MACROD2: variants seen among roughly 807,000 people sequenced by gnomAD.
MACROD2 encodes mono-ADP ribosylhydrolase 2.
Under a neutral mutation model 70.4 loss-of-function variants are expected in MACROD2, and 36 were observed. That is an observed-to-expected ratio of 0.51 (90% CI 0.39 to 0.68). MACROD2 has a LOEUF of 0.68. Ranked by LOEUF, MACROD2 falls within the 30% of genes least tolerant of loss-of-function variation. The pLI is 0.00. For synonymous variants in MACROD2, 172 were observed against 178.8 expected (o/e 0.96, Z 0.30); for missense variants, 496 against 538.4 (o/e 0.92, Z 0.78).
Position 15,461,006 on chromosome 20 carries a change from A to ATTTT in MACROD2, c.571+29577_571+29580dup, listed in dbSNP as rs951397131. 4.1e-3 allele frequency among the ~76,000 whole-genome samples: 273 copies of ATTTT among 66,634 alleles called. 6 individuals carry two copies. The highest frequency in any genetic ancestry group is 0.026 in the Middle Eastern group (3 of 114). The allele number at this position is 66,634 out of a possible 152,430, so 43.7% of individuals were successfully genotyped here. A position where few individuals can be genotyped will look rare whatever the true frequency, so the allele number is the denominator to read the frequency against. ...TATATATATATATATATATATATAT[A>ATTTT]TTTTTTTTTAATAGATGGGGTCTTG... On this transcript the variant is annotated intron_variant, in intron 7 of 17. Transcript: ENST00000684519.
rs1197669182 is a variant in MACROD2 at position 16,051,207 on chromosome 20, A to G, written c.*1331A>G. ...GTTTGTTGCATATCTTCTTAAATCC[A>G]TCTTCCTTGTAAGGGCTTTAGAACT... On this transcript the variant is annotated 3_prime_UTR_variant, in exon 18 of 18. Transcript: ENST00000684519. 3 of 152,152 alleles carry G rather than the reference A, an allele frequency of 2.0e-5. No homozygotes were observed. The allele number at this position is 152,152 out of a possible 1,614,324, so 9.4% of individuals were successfully genotyped here.
At chr20:14,444,298 A>G (rs567870637) in intron 3 of MACROD2, among the ~76,000 whole-genome samples, 5 of 152,228 alleles carry the variant, frequency 3.3e-5, no homozygotes, top group Non-Finnish European at 5.9e-5. Flanking sequence ...AAATTGCTCA[A>G]TTGAGTGGTT....
chr20:14,502,124 G>A (rs73612363), intron 4 of MACROD2, among the ~76,000 whole-genome samples: 23,588 of 152,172 alleles, frequency 0.16, 2,044 homozygotes, highest in East Asian at 0.38. Context: ...GCAAAATACT[G>A]CAGGTCAAGC....
intron 3 of MACROD2, among the ~76,000 whole-genome samples, chr20:14,426,301 A>G (rs1301537110): frequency 6.6e-6 from 1 of 151,506 alleles, no homozygotes; most frequent in African/African-American, 2.4e-5. Flanking sequence ...TTTGTTTCCA[A>G]GACTTATTTT....
intron 8 of MACROD2, among the ~76,000 whole-genome samples, chr20:15,608,458 A>G (rs1252136377): frequency 1.3e-5 from 2 of 152,188 alleles, no homozygotes; most frequent in Non-Finnish European, 2.9e-5. Flanking sequence ...TAGGAGGAGC[A>G]CACGTGCAAA....
intron 2 of MACROD2, among the ~76,000 whole-genome samples, chr20:14,007,639 A>G (rs2052841678): frequency 6.6e-6 from 1 of 152,202 alleles, no homozygotes; most frequent in Admixed American, 6.5e-5. Context: ...TTGTTGAGAC[A>G]AGAGTTCTAG....
intron 4 of MACROD2, among the ~76,000 whole-genome samples, chr20:14,643,086 C>A (rs2123495022): frequency 1.3e-5 from 2 of 152,108 alleles, no homozygotes; most frequent in South Asian, 2.1e-4. Context: ...TGTTGCATAA[C>A]AAAATATCCA....
At chr20:14,466,349 G>T (rs1056086474) in intron 3 of MACROD2, among the ~76,000 whole-genome samples, 4 of 151,880 alleles carry the variant, frequency 2.6e-5, no homozygotes, top group Non-Finnish European at 5.9e-5. Flanking sequence ...TTGTGCTTTT[G>T]TCACGTAGTT....
chr20:15,206,837 C>T (rs1286213533), intron 5 of MACROD2, among the ~76,000 whole-genome samples: 111 of 149,216 alleles, frequency 7.4e-4, no homozygotes, highest in Non-Finnish European at 1.2e-3. Context: ...CCCGGGTTCA[C>T]GCCATTCTCC....
rs575607889 is a variant in MACROD2 at position 14,828,468 on chromosome 20, T to G, written c.418+143509T>G. ...GGACATTCTTTTCTTAATTCAGTCA[T>G]TCAAAGCCATTTGAGTGCTTACTAT... is the stretch of plus-strand genomic sequence containing the variant. On this transcript the variant is annotated intron_variant, in intron 5 of 17. Coordinates refer to ENST00000684519, the MANE Select transcript of MACROD2 (RefSeq NM_001351661.2). Among the ~76,000 whole-genome samples the G allele has an allele frequency of 9.9e-5, 15 of 152,264 alleles. 1 individual carries two copies. Among genetic ancestry groups the G allele is most frequent in the Admixed American group, 9.8e-4 (15 of 15,286 alleles).
At position 15,561,513 on chromosome 20, in the gene MACROD2, G is replaced by A. The variant is rs192665712; in HGVS notation, c.645+61666G>A. On this transcript the variant is annotated intron_variant, in intron 8 of 17. Coordinates refer to ENST00000684519, the MANE Select transcript of MACROD2 (RefSeq NM_001351661.2). The stretch of plus-strand genomic sequence containing the variant: ...TTGCTTGGTACTACTAGGCTAAAAT[G>A]TAATACTGTTCTGTCTGTGCTACCT... Among the ~76,000 whole-genome samples the A allele has an allele frequency of 4.0e-3, 611 of 152,292 alleles. 4 individuals are homozygous for A. Among genetic ancestry groups the A allele is most frequent in the Non-Finnish European group, 6.8e-3 (461 of 68,024 alleles).
At chr20:14,396,364 GT>G in intron 3 of MACROD2, among the ~76,000 whole-genome samples, 1 of 152,218 alleles carries the variant, frequency 6.6e-6, no homozygotes, top group African/African-American at 2.4e-5. Flanking sequence ...TAGTTCTATA[GT>G]TTTTGCTTCA....
At chr20:15,304,180 A>G (rs1160052652) in intron 6 of MACROD2, among the ~76,000 whole-genome samples, 2 of 152,132 alleles carry the variant, frequency 1.3e-5, no homozygotes, top group Non-Finnish European at 2.9e-5. Flanking sequence ...TTTGGAATAA[A>G]TGCATGACTG....
intron 5 of MACROD2, among the ~76,000 whole-genome samples, chr20:14,979,202 C>G (rs2074774804): frequency 1.3e-5 from 2 of 151,472 alleles, no homozygotes; most frequent in South Asian, 4.2e-4. Flanking sequence ...TCAAAAGATC[C>G]TCCTACCTCG....
chr20:15,243,566 A>T (rs1486552751), intron 6 of MACROD2, among the ~76,000 whole-genome samples: 1 of 152,094 alleles, frequency 6.6e-6, no homozygotes, highest in Non-Finnish European at 1.5e-5. Context: ...TTAAATAAAT[A>T]TGCAGTGGGG....
intron 8 of MACROD2, among the ~76,000 whole-genome samples, chr20:15,717,417 T>G (rs187690920): frequency 0.021 from 3,190 of 152,306 alleles, 105 homozygotes; most frequent in African/African-American, 0.071. Context: ...TGTTCACTGG[T>G]GGATGGAACT....
In MACROD2 at chr20:14,700,986, G is replaced by A. The variant is rs540951089; in HGVS notation, c.418+16027G>A. Among the ~76,000 whole-genome samples, 23 of 152,130 alleles carry A rather than the reference G, an allele frequency of 1.5e-4. No individual in the cohort carries two copies. In the South Asian group the frequency reaches 3.3e-3, roughly 22 times the overall value. On this transcript the variant is annotated intron_variant, in intron 5 of 17. Transcript: ENST00000684519. Reference sequence around the variant, plus strand: ...GCATGCCAAGACTATAGAGACCCCCGAATTCATCTCTTTTATTTCCCTTCT... The same window carrying A: ...GCATGCCAAGACTATAGAGACCCCCAAATTCATCTCTTTTATTTCCCTTCT...
chr20:14,622,506 C>A (rs190652265), intron 4 of MACROD2, among the ~76,000 whole-genome samples: 3 of 152,248 alleles, frequency 2.0e-5, no homozygotes, highest in Non-Finnish European at 2.9e-5. Context: ...CTCCAAGACA[C>A]AAAAGAGTTG....
At chr20:15,974,576 T>C (rs1347108088) in intron 13 of MACROD2, among the ~76,000 whole-genome samples, 1 of 152,092 alleles carries the variant, frequency 6.6e-6, no homozygotes, top group African/African-American at 2.4e-5. Context: ...AAATACTCTG[T>C]ATAATGCAGT....
Sources: allele counts gnomAD v4.1 joint callset (sites outside exome capture counted in the v4.1 genomes callset), GRCh38; gene constraint gnomAD v4.1.1; transcripts MANE v1.5; gene names NCBI Gene and HGNC (gene_info 2026-07-23, HGNC 2026-07-21).